SRD5A2: variants seen among roughly 807,000 people sequenced by gnomAD.
SRD5A2 encodes steroid 5 alpha-reductase 2, also known as 3-oxo-5-alpha-steroid 4-dehydrogenase 2.
Under a neutral mutation model 27.4 loss-of-function variants are expected in SRD5A2, and 30 were observed. The ratio of observed to expected loss-of-function variants is 1.10; its 90% CI spans 0.82 to 1.49. SRD5A2 has a LOEUF of 1.49. SRD5A2 is among the 40% of genes most tolerant of loss of function. The pLI is 0.00. For synonymous variants in SRD5A2, 141 were observed against 133.6 expected (o/e 1.06, Z -0.38); for missense variants, 348 against 323.4 (o/e 1.08, Z -0.58).
the SRD5A2 span, among the ~76,000 whole-genome samples, chr2:31,610,531 T>C: frequency 6.6e-6 from 1 of 152,154 alleles, no homozygotes; most frequent in South Asian, 2.1e-4. Flanking sequence ...ACAGCTATCA[T>C]ACTCAATGCT....
In SRD5A2 at chr2:31,531,366, A is replaced by C; in HGVS notation, c.547+5T>G. ...GTGAGAGTCTGGGGGCAGGGGAGAC[A>C]TTACCTTGTGGAATCCTGTAGCTGA... On this transcript the variant is annotated splice_donor_5th_base_variant and intron_variant, in intron 3 of 4. Coordinates refer to ENST00000622030, the MANE Select transcript of SRD5A2 (RefSeq NM_000348.4). 6.4e-7 allele frequency: 1 copy of C among 1,569,682 alleles called. No individual in the cohort carries two copies. The highest frequency in any genetic ancestry group is 8.7e-7 in the Non-Finnish European group (1 of 1,154,886).
At chr2:31,543,763 T>C (rs1350684591) in intron 1 of SRD5A2, among the ~76,000 whole-genome samples, 1 of 152,062 alleles carries the variant, frequency 6.6e-6, no homozygotes, top group Non-Finnish European at 1.5e-5. Context: ...CTATAGAATA[T>C]ATACAAAAGG....
At chr2:31,655,008 A>T in the SRD5A2 span, among the ~76,000 whole-genome samples, 1 of 152,226 alleles carries the variant, frequency 6.6e-6, no homozygotes, top group African/African-American at 2.4e-5. Context: ...ATATGAGTCA[A>T]ATAGGAGGGG....
intron 1 of SRD5A2, among the ~76,000 whole-genome samples, chr2:31,542,820 A>G (rs545270122): frequency 2.0e-5 from 3 of 152,164 alleles, no homozygotes; most frequent in Non-Finnish European, 4.4e-5. Flanking sequence ...AAGGGGCTCA[A>G]CATACACACC....
the SRD5A2 span, among the ~76,000 whole-genome samples, chr2:31,608,842 C>A: frequency 6.6e-6 from 1 of 151,912 alleles, no homozygotes; most frequent in Non-Finnish European, 1.5e-5. Context: ...ATCATACTGC[C>A]CGCTATGGAC....
intron 1 of SRD5A2, among the ~76,000 whole-genome samples, chr2:31,566,146 A>T (rs752925609): frequency 3.3e-5 from 5 of 152,134 alleles, no homozygotes; most frequent in Non-Finnish European, 7.4e-5. Flanking sequence ...GAGAAATTAA[A>T]ATACATGAAA....
chr2:31,593,011 C>A, the SRD5A2 span, among the ~76,000 whole-genome samples: 2 of 151,384 alleles, frequency 1.3e-5, no homozygotes, highest in Non-Finnish European at 1.5e-5. Context: ...ATCGCAAGGA[C>A]AAAAAACCAA....
chr2:31,602,532 T>C, the SRD5A2 span, among the ~76,000 whole-genome samples: 23 of 152,214 alleles, frequency 1.5e-4, no homozygotes, highest in African/African-American at 5.1e-4. Flanking sequence ...ACTATTGCCA[T>C]TCTTCACAGA....
chr2:31,639,942 C>G, the SRD5A2 span, among the ~76,000 whole-genome samples: 1 of 152,174 alleles, frequency 6.6e-6, no homozygotes, highest in South Asian at 2.1e-4. Flanking sequence ...TCCCCTTGCT[C>G]TTGTTCAGAT....
chr2:31,654,171 G>A, the SRD5A2 span, among the ~76,000 whole-genome samples: 1 of 151,944 alleles, frequency 6.6e-6, no homozygotes, highest in Non-Finnish European at 1.5e-5. Flanking sequence ...ATCAGAAATG[G>A]AAAAGTTATA....
At chr2:31,542,870 G>C (rs1666157902) in intron 1 of SRD5A2, among the ~76,000 whole-genome samples, 1 of 152,034 alleles carries the variant, frequency 6.6e-6, no homozygotes, top group Non-Finnish European at 1.5e-5. Context: ...GAAAGGAGTA[G>C]AGAGAATATA....
intron 1 of SRD5A2, among the ~76,000 whole-genome samples, chr2:31,552,086 G>A (rs760233970): frequency 1.3e-5 from 2 of 151,258 alleles, no homozygotes; most frequent in African/African-American, 4.9e-5. Flanking sequence ...GCACTTCAGG[G>A]GAGTGATATC....
chr2:31,608,067 T>G, the SRD5A2 span, among the ~76,000 whole-genome samples: 5 of 152,070 alleles, frequency 3.3e-5, no homozygotes, highest in Non-Finnish European at 7.4e-5. Flanking sequence ...TTGCAAGTAA[T>G]GTATGTTTGC....
chr2:31,570,046 C>T (rs1666820159), intron 1 of SRD5A2, among the ~76,000 whole-genome samples: 1 of 152,064 alleles, frequency 6.6e-6, no homozygotes, highest in Non-Finnish European at 1.5e-5. Context: ...GAATCATCCT[C>T]ATACCAAAAC....
chr2:31,548,504 G>T (rs1306737785), intron 1 of SRD5A2, among the ~76,000 whole-genome samples: 1 of 152,078 alleles, frequency 6.6e-6, no homozygotes, highest in Non-Finnish European at 1.5e-5. Flanking sequence ...AATCTTTAGG[G>T]AAATTAAAAT....
chr2:31,607,490 T>C, the SRD5A2 span, among the ~76,000 whole-genome samples: 3 of 151,836 alleles, frequency 2.0e-5, no homozygotes, highest in East Asian at 3.9e-4. Flanking sequence ...AAGTGGAACA[T>C]TCTTAAAATA....
At chr2:31,600,036 A>C in the SRD5A2 span, among the ~76,000 whole-genome samples, 1 of 151,922 alleles carries the variant, frequency 6.6e-6, no homozygotes, top group South Asian at 2.1e-4. Context: ...CTATGTGTTC[A>C]TGTGTTCTCA....
chr2:31,655,686 G>A, the SRD5A2 span, among the ~76,000 whole-genome samples: 2 of 152,128 alleles, frequency 1.3e-5, no homozygotes, highest in African/African-American at 2.4e-5. Context: ...GAAGAGGTGG[G>A]AAGAATGAGA....
the SRD5A2 span, among the ~76,000 whole-genome samples, chr2:31,641,746 G>C: frequency 6.6e-6 from 1 of 151,978 alleles, no homozygotes; most frequent in South Asian, 2.1e-4. Context: ...CACAGAAAAA[G>C]TTTGGACAGA....
Sources: allele counts gnomAD v4.1 joint callset (sites outside exome capture counted in the v4.1 genomes callset), GRCh38; gene constraint gnomAD v4.1.1; transcripts MANE v1.5; gene names NCBI Gene and HGNC (gene_info 2026-07-23, HGNC 2026-07-21).